REEP1: variants seen among roughly 807,000 people sequenced by gnomAD.
The protein encoded by REEP1 is receptor accessory protein 1.
Under a neutral mutation model 40.3 loss-of-function variants are expected in REEP1, and 22 were observed. The observed-to-expected ratio is 0.55, with a 90% CI of 0.39 to 0.78. REEP1 has a LOEUF of 0.78. REEP1 is among the 30% of genes least tolerant of loss of function. The pLI is 0.00. For missense variants in REEP1, 280 were observed against 361.1 expected, an observed-to-expected ratio of 0.78 and a Z score of 1.82; for synonymous variants, 116 against 139.2, an observed-to-expected ratio of 0.83 and a Z score of 1.17.
intron 1 of REEP1, among the ~76,000 whole-genome samples, chr2:86,288,219 C>T (rs1416247497): frequency 1.3e-5 from 2 of 152,078 alleles, no homozygotes; most frequent in Non-Finnish European, 2.9e-5. Context: ...GATGGAGTTT[C>T]ACCATGCTGG....
In REEP1 at chr2:86,292,715, A is replaced by G. The variant is rs193218646; in HGVS notation, c.33-10473T>C. On this transcript the variant is annotated intron_variant, in intron 1 of 8. Coordinates refer to ENST00000538924, the MANE Select transcript of REEP1 (RefSeq NM_001371279.1). Reference sequence around the variant, plus strand: ...GAGAAAAGGACTGCTGGGCCTTCCTATGTGCACCATGAAAAAGGGGTGGGG... The same window carrying G: ...GAGAAAAGGACTGCTGGGCCTTCCTGTGTGCACCATGAAAAAGGGGTGGGG... 2.4e-4 allele frequency among the ~76,000 whole-genome samples: 37 copies of G among 152,030 alleles called. No homozygotes were observed. The East Asian group carries it at 5.0e-3, about 21-fold the overall frequency.
At chr2:86,234,605 T>C (rs1046342343) in intron 5 of REEP1, among the ~76,000 whole-genome samples, 2 of 152,132 alleles carry the variant, frequency 1.3e-5, no homozygotes, top group East Asian at 1.9e-4. Flanking sequence ...CTACCAAAGA[T>C]ATAAAAACCA....
At chr2:86,328,197 G>A (rs926017120) in intron 1 of REEP1, among the ~76,000 whole-genome samples, 1 of 152,198 alleles carries the variant, frequency 6.6e-6, no homozygotes, top group Non-Finnish European at 1.5e-5. Flanking sequence ...GAAATCCAAC[G>A]TGAATCTCCA....
At chr2:86,317,098 T>C (rs1680049994) in intron 1 of REEP1, among the ~76,000 whole-genome samples, 1 of 152,140 alleles carries the variant, frequency 6.6e-6, no homozygotes, top group Non-Finnish European at 1.5e-5. Context: ...TTGCCACAAT[T>C]GTCAGACCTG....
intron 4 of REEP1, 35 bp downstream of exon 4, chr2:86,254,659 C>T (rs1365384043): frequency 6.2e-7 from 1 of 1,604,742 alleles, no homozygotes; most frequent in East Asian, 2.2e-5. Context: ...TTCTCACTTG[C>T]TAGAAAGAAT....
At chr2:86,285,758 G>T (rs901698757) in intron 1 of REEP1, among the ~76,000 whole-genome samples, 2 of 152,224 alleles carry the variant, frequency 1.3e-5, no homozygotes, top group Non-Finnish European at 2.9e-5. Flanking sequence ...TTAAGTGGGT[G>T]CTTGAAATGT....
intron 1 of REEP1, among the ~76,000 whole-genome samples, chr2:86,312,838 T>C (rs1276213445): frequency 2.6e-5 from 4 of 152,246 alleles, no homozygotes; most frequent in Admixed American, 6.5e-5. Context: ...ATTTTTATTA[T>C]GGTAAATGGA....
In REEP1 at chr2:86,232,640, T is replaced by C; in HGVS notation, c.580A>G (p.Ser194Gly). Residue 194 changes from serine to glycine, a missense_variant, in exon 6 of 9, where the codon AGC (serine) becomes GGC (glycine). Transcript: ENST00000538924. ...QPKMSRSASE[S>G]ASSSVCTCCS... Reference sequence around the variant, plus strand: ...TGACACCTACCTGAGCTGCTAGCGCTCTCAGAAGCACTCCTGGACATCTTA... The same window carrying C: ...TGACACCTACCTGAGCTGCTAGCGCCCTCAGAAGCACTCCTGGACATCTTA... 6.2e-7 allele frequency: 1 copy of C among 1,612,940 alleles called. No individual in the cohort carries two copies. Among genetic ancestry groups the C allele is most frequent in the South Asian group, 1.1e-5 (1 of 91,088 alleles).
chr2:86,327,784 G>C (rs1680585222), intron 1 of REEP1, among the ~76,000 whole-genome samples: 1 of 152,096 alleles, frequency 6.6e-6, no homozygotes, highest in Admixed American at 6.6e-5. Flanking sequence ...AGCCAGGATG[G>C]TCTGGATCTC....
rs144154347 is a variant in REEP1 at position 86,221,983 on chromosome 2, G to A, written c.632-1862C>T. 4.1e-3 allele frequency among the ~76,000 whole-genome samples: 621 copies of A among 152,246 alleles called. 1 individual carries two copies. The highest frequency in any genetic ancestry group is 7.1e-3 in the Non-Finnish European group (480 of 68,032). On this transcript the variant is annotated intron_variant, in intron 7 of 8. Coordinates refer to ENST00000538924, the MANE Select transcript of REEP1 (RefSeq NM_001371279.1). ...ATGGAAGTGGGGTGGGTACCGGTTCGAGACTGTGCCTCTGCATATGCTGTA... is the reference window on the plus strand; with the variant it reads ...ATGGAAGTGGGGTGGGTACCGGTTCAAGACTGTGCCTCTGCATATGCTGTA...
At chr2:86,221,938 C>T (rs980821348) in intron 7 of REEP1, among the ~76,000 whole-genome samples, 1 of 152,146 alleles carries the variant, frequency 6.6e-6, no homozygotes, top group African/African-American at 2.4e-5. Flanking sequence ...CAGCTCCACC[C>T]CAGCAGCCAA....
chr2:86,300,024 G>A (rs114454829), intron 1 of REEP1, among the ~76,000 whole-genome samples: 2 of 152,090 alleles, frequency 1.3e-5, no homozygotes, highest in Non-Finnish European at 2.9e-5. Flanking sequence ...ACATGGCCAG[G>A]GGGGACCATG....
At chr2:86,222,471 G>T (rs929006689) in intron 7 of REEP1, among the ~76,000 whole-genome samples, 2 of 152,240 alleles carry the variant, frequency 1.3e-5, no homozygotes, top group Non-Finnish European at 2.9e-5. Context: ...TCTGCCAAGA[G>T]TGTTGTCTAT....
At chr2:86,274,967 CCTGCCAAAGGCCTCCCTATGGG>C (rs1391253733) in intron 2 of REEP1, among the ~76,000 whole-genome samples, 2 of 152,182 alleles carry the variant, frequency 1.3e-5, no homozygotes, top group Admixed American at 1.3e-4. Flanking sequence ...CTTCTGGCAG[CCTGCCAAAGGCCTCCCTATGGG>C]CTGCAGAGGA....
At chr2:86,303,259 C>A (rs548265527) in intron 1 of REEP1, among the ~76,000 whole-genome samples, 1 of 139,558 alleles carries the variant, frequency 7.2e-6, no homozygotes, top group African/African-American at 2.7e-5. Context: ...CTCTGTTGCC[C>A]AGGCTGGAGT....
chr2:86,267,580 G>A lies in REEP1; in HGVS notation c.106-3539C>T, dbSNP rs557381951. Among the ~76,000 whole-genome samples the A allele has an allele frequency of 2.6e-5, 4 of 151,868 alleles. No individual in the cohort carries two copies. The East Asian group carries it at 7.7e-4, about 29-fold the overall frequency. ...ACCTGTAGTCCTAGCTAGCTATTTG[G>A]GAGGCTGAGGCAGGAGGATGGCTTG... On this transcript the variant is annotated intron_variant, in intron 2 of 8. Coordinates refer to ENST00000538924, the MANE Select transcript of REEP1 (RefSeq NM_001371279.1).
At chr2:86,219,451 CTTTT>C (rs11350191) in intron 8 of REEP1, among the ~76,000 whole-genome samples, 5 of 129,954 alleles carry the variant, frequency 3.8e-5, no homozygotes, top group African/African-American at 2.8e-5. Context: ...TTTTTCTTTT[CTTTT>C]TTTTTTTTTT....
Position 86,242,878 on chromosome 2 carries a change from G to A in REEP1, c.417+9079C>T, listed in dbSNP as rs184667246. 1.5e-3 allele frequency among the ~76,000 whole-genome samples: 227 copies of A among 152,320 alleles called. 2 individuals carry two copies. The highest frequency in any genetic ancestry group is 2.3e-3 in the Non-Finnish European group (159 of 68,034). ...ATGTCAAATGGTTAGGGCTTGAAGAGTAAGTGGGAGGAAGGTGGGGCATCA... is the reference window on the plus strand; with the variant it reads ...ATGTCAAATGGTTAGGGCTTGAAGAATAAGTGGGAGGAAGGTGGGGCATCA... On this transcript the variant is annotated intron_variant, in intron 5 of 8. Transcript: ENST00000538924.
intron 8 of REEP1, among the ~76,000 whole-genome samples, chr2:86,217,948 C>G (rs1674215400): frequency 6.6e-6 from 1 of 152,110 alleles, no homozygotes; most frequent in Non-Finnish European, 1.5e-5. Flanking sequence ...GGAACATTTT[C>G]TGGCACAGCA....
Sources: gnomAD v4.1 joint callset for allele counts (sites outside exome capture counted in the v4.1 genomes callset) on GRCh38, gnomAD v4.1.1 for gene constraint, MANE v1.5 for transcripts, NCBI Gene and HGNC (gene_info 2026-07-23, HGNC 2026-07-21) for gene names.